FTO: variants seen among roughly 807,000 people sequenced by gnomAD.
The protein encoded by FTO is FTO alpha-ketoglutarate dependent dioxygenase, also known as alpha-ketoglutarate-dependent dioxygenase FTO.
A neutral mutation model predicts 63.9 loss-of-function variants in FTO; 47 were observed. The ratio of observed to expected loss-of-function variants is 0.74; its 90% CI spans 0.58 to 0.94. FTO has a LOEUF of 0.94. Among genes scored for constraint, FTO ranks in the 40% least tolerant of loss-of-function variants. The probability of loss-of-function intolerance (pLI) is 0.00; values close to 1 mark genes in which losing one functional copy is unlikely to be tolerated. For synonymous variants in FTO, 207 were observed against 224.4 expected, an observed-to-expected ratio of 0.92 and a Z score of 0.69; for missense variants, 562 against 618.1, an observed-to-expected ratio of 0.91 and a Z score of 0.96.
chr16:54,008,901 A>G (rs946754734), intron 8 of FTO, among the ~76,000 whole-genome samples: 1 of 151,724 alleles, frequency 6.6e-6, no homozygotes, highest in Non-Finnish European at 1.5e-5. Context: ...AGTCCCAGCT[A>G]CTTGGGAGGC....
chr16:53,765,009 C>CA (rs1314762730), intron 1 of FTO, among the ~76,000 whole-genome samples: 1 of 152,096 alleles, frequency 6.6e-6, no homozygotes, highest in African/African-American at 2.4e-5. Flanking sequence ...CATGAGCCAC[C>CA]ATGCCCAACC....
intron 1 of FTO, among the ~76,000 whole-genome samples, chr16:53,809,518 G>A (rs1450233077): frequency 6.6e-6 from 1 of 152,176 alleles, no homozygotes. Flanking sequence ...TGAGTTGTAA[G>A]CTGACTCTAG....
chr16:53,854,857 G>A (rs1274196710), intron 4 of FTO, among the ~76,000 whole-genome samples: 2 of 152,082 alleles, frequency 1.3e-5, no homozygotes, highest in East Asian at 1.9e-4. Context: ...CATCAAGTCT[G>A]TAAATTTGTT....
At chr16:53,772,480 T>C (rs2077362145) in intron 1 of FTO, among the ~76,000 whole-genome samples, 2 of 152,114 alleles carry the variant, frequency 1.3e-5, no homozygotes, top group South Asian at 4.1e-4. Context: ...GTTTTATTTT[T>C]CTCTGTATCA....
chr16:53,720,435 A>T (rs1460359731), intron 1 of FTO, among the ~76,000 whole-genome samples: 1 of 151,708 alleles, frequency 6.6e-6, no homozygotes, highest in Non-Finnish European at 1.5e-5. Flanking sequence ...ACCATGTAGA[A>T]ATTATCAAGT....
chr16:53,760,223 TGTGTGTGTGTGTGTGTGTGTGTGTGTGTG>T (rs2077026634), intron 1 of FTO, among the ~76,000 whole-genome samples: 1 of 52,376 alleles, frequency 1.9e-5, no homozygotes, highest in Non-Finnish European at 3.5e-5. Context: ...TGTGTGTGTG[TGTGTGTGTGTGTGTGTGTGTGTGTGTGTG>T]TGTGTGTGTT....
At chr16:53,739,382 T>C (rs1366104009) in intron 1 of FTO, among the ~76,000 whole-genome samples, 1 of 150,738 alleles carries the variant, frequency 6.6e-6, no homozygotes, top group Non-Finnish European at 1.5e-5. Context: ...TTTTTTTTTT[T>C]TTTTTCTATT....
At chr16:53,842,081 T>A (rs942020432) in intron 3 of FTO, among the ~76,000 whole-genome samples, 2 of 152,232 alleles carry the variant, frequency 1.3e-5, no homozygotes, top group African/African-American at 4.8e-5. Flanking sequence ...GCACAAGGAC[T>A]GTGAATGGAG....
chr16:53,950,477 TA>T (rs1173146556), intron 8 of FTO, among the ~76,000 whole-genome samples: 4 of 152,316 alleles, frequency 2.6e-5, no homozygotes, highest in Admixed American at 1.3e-4. Flanking sequence ...ATTTTAGTGA[TA>T]TTTTTTCCAG....
intron 8 of FTO, among the ~76,000 whole-genome samples, chr16:54,111,316 T>C (rs752129296): frequency 5.9e-5 from 9 of 152,224 alleles, no homozygotes; most frequent in Non-Finnish European, 1.2e-4. Flanking sequence ...GCCTGTAATA[T>C]TGTTTAATCT....
At chr16:53,838,927 T>C (rs1316793787) in intron 3 of FTO, among the ~76,000 whole-genome samples, 1 of 152,210 alleles carries the variant, frequency 6.6e-6, no homozygotes, top group Non-Finnish European at 1.5e-5. Flanking sequence ...TACACTATTA[T>C]GTATGTTATT....
chr16:53,800,888 T>G (rs1250911543), intron 1 of FTO, among the ~76,000 whole-genome samples: 1 of 152,082 alleles, frequency 6.6e-6, no homozygotes, highest in Non-Finnish European at 1.5e-5. Context: ...AACATATAAT[T>G]TATCATTTTA....
rs2086898001 is a variant in FTO, at chr16:54,111,875, T to A, written c.1478T>A (p.Val493Asp). The A allele has an allele frequency of 6.2e-7, 1 of 1,614,004 alleles. No homozygotes were observed. Among genetic ancestry groups the A allele is most frequent in the South Asian group, 1.1e-5 (1 of 91,076 alleles). Residue 493 changes from valine (V) to aspartate (D), a missense_variant, in exon 9 of 9, where the codon GTT becomes GAT. By Grantham distance (152) the Val-to-Asp change is radical. Transcript: ENST00000471389. ...CTGCCGTTTGACCTCACAGACATCG[T>A]TTCAGAACTCAGAGGTCAGCTTCTG... The part of the protein sequence containing the change: ...MPLPFDLTDI[V>D]SELRGQLLEA...
At chr16:53,908,324 C>A (rs1034651601) in intron 7 of FTO, among the ~76,000 whole-genome samples, 11 of 152,190 alleles carry the variant, frequency 7.2e-5, no homozygotes, top group African/African-American at 2.7e-4. Context: ...AAATGATGAG[C>A]AGGTGAGTGA....
rs935304406 is a variant in FTO, at chr16:53,859,538, A to T, written c.896-14248A>T. Among the ~76,000 whole-genome samples the T allele has an allele frequency of 2.7e-5, 4 of 148,912 alleles. No individual in the cohort carries two copies. The East Asian group carries it at 7.8e-4, about 29-fold the overall frequency. ...AAATATATATCACTGTATATTAAATATATTTTAATGATATTTATATATATA... is the reference window on the plus strand; with the variant it reads ...AAATATATATCACTGTATATTAAATTTATTTTAATGATATTTATATATATA... On this transcript the variant is annotated intron_variant, in intron 4 of 8. Coordinates refer to ENST00000471389, the MANE Select transcript of FTO (RefSeq NM_001080432.3).
At chr16:54,009,909 G>A (rs562015733) in intron 8 of FTO, among the ~76,000 whole-genome samples, 4 of 152,100 alleles carry the variant, frequency 2.6e-5, no homozygotes, top group African/African-American at 9.7e-5. Flanking sequence ...AATAAGTGTC[G>A]GGGTTGAAGG....
intron 1 of FTO, among the ~76,000 whole-genome samples, chr16:53,797,176 A>G (rs532368174): frequency 4.6e-5 from 7 of 152,316 alleles, no homozygotes; most frequent in Non-Finnish European, 7.4e-5. Context: ...ACCTCCACAC[A>G]TGCTCTGTTA....
At chr16:53,919,631 A>G (rs1194829767) in intron 7 of FTO, among the ~76,000 whole-genome samples, 1 of 152,244 alleles carries the variant, frequency 6.6e-6, no homozygotes, top group East Asian at 1.9e-4. Flanking sequence ...ATATATGTAT[A>G]CCAAATGGAA....
chr16:53,831,120 A>G (rs926722200), intron 3 of FTO, among the ~76,000 whole-genome samples: 2 of 152,202 alleles, frequency 1.3e-5, no homozygotes, highest in African/African-American at 4.8e-5. Context: ...CTATTTTAAC[A>G]TGACTTGCTC....
Sources: gnomAD v4.1 joint callset for allele counts (sites outside exome capture counted in the v4.1 genomes callset) on GRCh38, gnomAD v4.1.1 for gene constraint, MANE v1.5 for transcripts, NCBI Gene and HGNC (gene_info 2026-07-23, HGNC 2026-07-21) for gene names.